TGM2: variants seen among roughly 807,000 people sequenced by gnomAD.
TGM2 encodes protein-glutamine gamma-glutamyltransferase 2.
A neutral mutation model predicts 75.6 loss-of-function variants in TGM2; 53 were observed. The observed-to-expected ratio is 0.70, with a 90% confidence interval of 0.56 to 0.88. TGM2 has a LOEUF of 0.88. Among genes scored for constraint, TGM2 ranks in the 40% least tolerant of loss-of-function variants. The pLI is 0.00. For synonymous variants in TGM2, 374 were observed against 381.1 expected, an observed-to-expected ratio of 0.98 and a Z score of 0.22; for missense variants, 842 against 928.5, an observed-to-expected ratio of 0.91 and a Z score of 1.21.
At chr20:38,138,044 T>C (rs1210376020) in intron 10 of TGM2, 69 bp downstream of exon 10, 1 of 1,512,216 alleles carries the variant, frequency 6.6e-7, no homozygotes, top group Admixed American at 2.0e-5. Context: ...ACATGCTAAG[T>C]GGTTAGGTCA....
Position 38,129,983 on chromosome 20 carries a change from A to G in TGM2, c.*236T>C. On this transcript the variant is annotated 3_prime_UTR_variant, in exon 13 of 13. Coordinates refer to ENST00000361475, the MANE Select transcript of TGM2 (RefSeq NM_004613.4). ...ACCCCAGCCCCAGTCAGCCAAGGTC[A>G]GGGCTCCCACTGTTTCTGGCACAGA... The G allele has an allele frequency of 1.7e-6, 1 of 586,874 alleles. No individual in the cohort carries two copies. The highest frequency in any genetic ancestry group is 3.0e-6 in the Non-Finnish European group (1 of 333,358). The allele number at this position is 586,874 out of a possible 1,614,324, so 36.4% of individuals were successfully genotyped here.
chr20:38,132,156 C>T (rs1198733774), intron 11 of TGM2, among the ~76,000 whole-genome samples, 184 bp downstream of exon 11: 3 of 152,098 alleles, frequency 2.0e-5, no homozygotes, highest in African/African-American at 2.4e-5. Flanking sequence ...CTAGAGGCTA[C>T]GAGTCCCCAA....
intron 10 of TGM2, chr20:38,132,906 G>T (rs750519569): frequency 4.4e-6 from 2 of 455,042 alleles, no homozygotes; most frequent in African/African-American, 2.0e-5. Context: ...TGTGTGAGCC[G>T]CGGGCCCTTC....
chr20:38,130,987 G>T, intron 12 of TGM2, 106 bp downstream of exon 12: 10 of 1,556,798 alleles, frequency 6.4e-6, no homozygotes, highest in Non-Finnish European at 7.9e-6. Flanking sequence ...TGGGAGATGA[G>T]AGGAGGGGAT....
At position 38,133,240 on chromosome 20, in the gene TGM2, A is replaced by C. The variant is rs181694017; in HGVS notation, c.1616-740T>G. ...TCGTGATGCTGTACCCGTTGCACAG[A>C]TGAAGAATCACCTCTGCCAGTAAGT... On this transcript the variant is annotated intron_variant, in intron 10 of 12. Coordinates refer to ENST00000361475, the MANE Select transcript of TGM2 (RefSeq NM_004613.4). 541 of 190,018 alleles carry C rather than the reference A, an allele frequency of 2.8e-3. 4 individuals are homozygous for C. The highest frequency in any genetic ancestry group is 0.014 in the South Asian group (131 of 9,080). 11.8% of individuals were successfully genotyped at this position (190,018 alleles called of 1,614,324 possible).
At chr20:38,135,136 G>A (rs998067379) in intron 10 of TGM2, among the ~76,000 whole-genome samples, 61 of 152,312 alleles carry the variant, frequency 4.0e-4, no homozygotes, top group African/African-American at 1.4e-3. Flanking sequence ...ATGCTCTCAG[G>A]GTCCCGATGG....
upstream of TGM2, among the ~76,000 whole-genome samples, chr20:38,167,585 CG>C (rs1484060214): frequency 2.6e-5 from 4 of 152,260 alleles, no homozygotes; most frequent in Admixed American, 2.6e-4. Context: ...GTGATCTGCA[CG>C]CCTCGACCTC....
intron 10 of TGM2, among the ~76,000 whole-genome samples, chr20:38,137,337 T>C (rs1345757948): frequency 6.6e-6 from 1 of 151,918 alleles, no homozygotes; most frequent in Non-Finnish European, 1.5e-5. Context: ...ACACAAAAAT[T>C]AGCTGGGCAT....
chr20:38,141,439 C>A, intron 7 of TGM2, 54 bp from the exon 8 acceptor site: 1 of 1,325,246 alleles, frequency 7.5e-7, no homozygotes, highest in East Asian at 2.5e-5. Context: ...CATTCATCGC[C>A]ACCTCCCACG....
intron 3 of TGM2, among the ~76,000 whole-genome samples, chr20:38,152,652 G>A: frequency 6.6e-6 from 1 of 152,192 alleles, no homozygotes; most frequent in Non-Finnish European, 1.5e-5. Flanking sequence ...ATTGGTCTTG[G>A]AACTGACATA....
chr20:38,137,585 G>A (rs961787635), intron 10 of TGM2, among the ~76,000 whole-genome samples: 6 of 152,224 alleles, frequency 3.9e-5, no homozygotes, highest in Admixed American at 2.0e-4. Flanking sequence ...GACTCAGCAC[G>A]TCTCCATCAC....
At position 38,149,678 on chromosome 20, in the gene TGM2, C is replaced by CAAAAAAAAAAAAAAAAAAAAAAAAAA. The variant is rs1199376180; in HGVS notation, c.552+1260_552+1261insTTTTTTTTTTTTTTTTTTTTTTTTTT. On this transcript the variant is annotated intron_variant, in intron 4 of 12. Coordinates refer to ENST00000361475, the MANE Select transcript of TGM2 (RefSeq NM_004613.4). ...TGGGCAACAGAGCGAGACTCCGCCTCAAAAAAAAAAAAAAAAAAAAAAACA... is the reference window on the plus strand; with the variant it reads ...TGGGCAACAGAGCGAGACTCCGCCTCAAAAAAAAAAAAAAAAAAAAAAAAAAAAAAAAAAAAAAAAAAAAAAAAACA... Among the ~76,000 whole-genome samples, 54 of 40,430 alleles carry CAAAAAAAAAAAAAAAAAAAAAAAAAA rather than the reference C, an allele frequency of 1.3e-3. 2 individuals are homozygous for CAAAAAAAAAAAAAAAAAAAAAAAAAA. The highest frequency in any genetic ancestry group is 5.8e-3 in the East Asian group (7 of 1,198). The allele number at this position is 40,430 out of a possible 152,430, so 26.5% of individuals were successfully genotyped here.
Position 38,130,146 on chromosome 20 carries a change from A to G in TGM2, c.*73T>C. ...GGGTCTGGGGCCCAAGAAGGGGCATATTTTGCTCACTAGCTTGGGATAAGG... is the reference window on the plus strand; with the variant it reads ...GGGTCTGGGGCCCAAGAAGGGGCATGTTTTGCTCACTAGCTTGGGATAAGG... On this transcript the variant is annotated 3_prime_UTR_variant, in exon 13 of 13. Coordinates refer to ENST00000361475, the MANE Select transcript of TGM2 (RefSeq NM_004613.4). The G allele has an allele frequency of 6.3e-7, 1 of 1,597,148 alleles. No individual in the cohort carries two copies. Among genetic ancestry groups the G allele is most frequent in the Admixed American group, 1.7e-5 (1 of 57,196 alleles).
In TGM2 at chr20:38,147,989, A is replaced by G. The variant is rs750821264; in HGVS notation, c.653T>C (p.Val218Ala). ...GCCACTCACCACCCGGCCCACGTAG[A>G]CGGGGCTGCTGCGGCGGGAGCAGTC... Reference protein sequence around the residue: ...GRDCSRRSSPVYVGRVVSGMV... With the variant: ...GRDCSRRSSPAYVGRVVSGMV... The change falls in exon 5 of 13, where the codon GTC becomes GCC. Residue 218 changes from valine (V) to alanine (A), a missense_variant. Physicochemically the swap from Val to Ala is moderately conservative, Grantham distance 64. Transcript: ENST00000361475. The G allele has an allele frequency of 2.5e-6, 4 of 1,613,128 alleles. No individual in the cohort carries two copies. In the South Asian group the frequency reaches 4.4e-5, roughly 18 times the overall value.
intron 3 of TGM2, among the ~76,000 whole-genome samples, chr20:38,155,499 A>G (rs546005806): frequency 6.6e-5 from 10 of 152,060 alleles, no homozygotes; most frequent in African/African-American, 2.4e-4. Flanking sequence ...GCACTACCAC[A>G]CCCAGCTACT....
rs759581890 is a variant in TGM2 at position 38,156,085 on chromosome 20, T to C, written c.195A>G (p.Pro65=). ...DSLTFSVVTG[P]APSQEAGTKA... The stretch of plus-strand genomic sequence containing the variant: ...TGGTCCCGGCCTCCTGGCTAGGGGC[T>C]GGGCCTGTGGAGGGAGAAGCAGTAG... Residue 65 remains proline, a synonymous_variant, in exon 3 of 13, where the codon CCA becomes CCG. Coordinates refer to ENST00000361475, the MANE Select transcript of TGM2 (RefSeq NM_004613.4). 6.2e-7 allele frequency: 1 copy of C among 1,612,402 alleles called. No homozygotes were observed. The highest frequency in any genetic ancestry group is 1.1e-5 in the South Asian group (1 of 90,878).
chr20:38,138,365 C>T lies in TGM2; in HGVS notation c.1363G>A (p.Ala455Thr). The change falls in exon 10 of 13, where the codon GCC (alanine) becomes ACC (threonine). Residue 455 changes from alanine to threonine, a missense_variant. By Grantham distance (58) the Ala-to-Thr change is moderately conservative. Coordinates refer to ENST00000361475, the MANE Select transcript of TGM2 (RefSeq NM_004613.4). ...YPEGSSEERE[A>T]FTRANHLNKL... ...TTCAGGTGGTTCGCCCTTGTGAAGG[C>T]CTCCCTCTCCTCTGAGGACCCTGTA... 2.5e-6 allele frequency: 4 copies of T among 1,614,064 alleles called. No homozygotes were observed. Among genetic ancestry groups the T allele is most frequent in the Non-Finnish European group, 3.4e-6 (4 of 1,180,032 alleles).
At position 38,146,638 on chromosome 20, in the gene TGM2, G is replaced by A. The variant is rs778872204; in HGVS notation, c.859+79C>T. 17 of 1,548,148 alleles carry A rather than the reference G, an allele frequency of 1.1e-5. No individual in the cohort carries two copies. In the South Asian group the frequency reaches 1.9e-4, roughly 17 times the overall value. On this transcript the variant is annotated intron_variant, in intron 6 of 12. Transcript: ENST00000361475. ...GGTGGCAGGGGGCAGGACCAGGGCA[G>A]GGATGTCCTGATTCCTACTCCAGTG...
intron 9 of TGM2, 21 bp downstream of exon 9, chr20:38,139,391 A>G (rs1192435474): frequency 1.9e-6 from 3 of 1,613,884 alleles, no homozygotes; most frequent in Non-Finnish European, 2.5e-6. Flanking sequence ...AGGCTGCATT[A>G]AAGACTCTGA....
Sources: gnomAD v4.1 joint callset for allele counts (sites outside exome capture counted in the v4.1 genomes callset) on GRCh38, gnomAD v4.1.1 for gene constraint, MANE v1.5 for transcripts, NCBI Gene and HGNC (gene_info 2026-07-23, HGNC 2026-07-21) for gene names.